The following LDB2 variants were observed in gnomAD, a reference collection of about 807,000 sequenced individuals.
LDB2 encodes LIM domain-binding protein 2.
In LDB2, 12 loss-of-function variants were observed where a neutral mutation model predicts 44.3. The observed-to-expected ratio is 0.27, with a 90% CI of 0.17 to 0.44. The LOEUF is 0.44. Ranked by LOEUF, LDB2 falls within the 20% of genes least tolerant of loss-of-function variation. LDB2 has a pLI of 1.00. For missense variants in LDB2, 344 were observed against 473.5 expected (o/e 0.73, Z 2.54); for synonymous variants, 164 against 174.8 (o/e 0.94, Z 0.49).
chr4:16,881,084 A>T (rs948281448), intron 1 of LDB2, among the ~76,000 whole-genome samples: 1 of 152,296 alleles, frequency 6.6e-6, no homozygotes, highest in South Asian at 2.1e-4. Context: ...CGAAGTCATC[A>T]GCCAATGAGA....
At chr4:16,821,575 G>C (rs780710201) in intron 1 of LDB2, among the ~76,000 whole-genome samples, 5 of 148,784 alleles carry the variant, frequency 3.4e-5, no homozygotes, top group Non-Finnish European at 7.4e-5. Flanking sequence ...ATTTTTAGTA[G>C]AGACGAGGAT....
intron 2 of LDB2, among the ~76,000 whole-genome samples, chr4:16,676,963 T>C (rs1746502634): frequency 6.6e-6 from 1 of 152,150 alleles, no homozygotes. Context: ...TGCTTTTTGG[T>C]ATTTGAGTCA....
At chr4:16,514,017 A>G (rs1722755314) in intron 5 of LDB2, among the ~76,000 whole-genome samples, 1 of 152,226 alleles carries the variant, frequency 6.6e-6, no homozygotes, top group Non-Finnish European at 1.5e-5. Context: ...TCCCATATCC[A>G]GGAGGAAGGA....
intron 1 of LDB2, among the ~76,000 whole-genome samples, chr4:16,802,716 T>A (rs1223526974): frequency 3.3e-5 from 5 of 152,010 alleles, no homozygotes; most frequent in African/African-American, 1.2e-4. Context: ...AATTCCCACG[T>A]GTTGTGGGAG....
At chr4:16,630,986 A>G (rs13129304) in intron 2 of LDB2, among the ~76,000 whole-genome samples, 58,600 of 151,934 alleles carry the variant, frequency 0.39, 11,538 homozygotes, top group East Asian at 0.57. Context: ...CACAATAATA[A>G]TGGGAGACTT....
chr4:16,870,431 C>T (rs1368160183), intron 1 of LDB2, among the ~76,000 whole-genome samples: 2 of 137,796 alleles, frequency 1.5e-5, no homozygotes, highest in East Asian at 5.0e-4. Context: ...TAATTAGGGG[C>T]TCTGCAATCC....
chr4:16,546,274 C>G (rs1007854022), intron 5 of LDB2, among the ~76,000 whole-genome samples: 1 of 152,176 alleles, frequency 6.6e-6, no homozygotes, highest in African/African-American at 2.4e-5. Context: ...ATTTAAGAAG[C>G]ACAGGTATCT....
intron 1 of LDB2, among the ~76,000 whole-genome samples, chr4:16,840,325 C>G (rs1296674420): frequency 6.6e-6 from 1 of 152,168 alleles, no homozygotes; most frequent in African/African-American, 2.4e-5. Flanking sequence ...GCATGTGCTA[C>G]TATCACAACT....
At chr4:16,872,930 G>A (rs557176527) in intron 1 of LDB2, among the ~76,000 whole-genome samples, 56 of 152,272 alleles carry the variant, frequency 3.7e-4, no homozygotes, top group Admixed American at 1.2e-3. Flanking sequence ...TCATTGTCGG[G>A]GAGCCCACGT....
intron 1 of LDB2, among the ~76,000 whole-genome samples, chr4:16,847,801 AGAG>A (rs1787376935): frequency 1.3e-5 from 2 of 152,186 alleles, no homozygotes. Context: ...TATTTTTTGT[AGAG>A]ACGGGGTTTT....
intron 1 of LDB2, among the ~76,000 whole-genome samples, chr4:16,866,221 ACTAAG>A (rs1348754903): frequency 1.2e-4 from 18 of 152,240 alleles, no homozygotes; most frequent in Non-Finnish European, 2.1e-4. Flanking sequence ...TACACATGAT[ACTAAG>A]TTAATAAAGA....
chr4:16,626,058 T>C (rs552247733), intron 2 of LDB2, among the ~76,000 whole-genome samples: 2 of 152,324 alleles, frequency 1.3e-5, no homozygotes, highest in South Asian at 2.1e-4. Flanking sequence ...GCATATTTGA[T>C]TGAACCATGG....
intron 5 of LDB2, among the ~76,000 whole-genome samples, chr4:16,528,989 C>T (rs911573682): frequency 4.6e-5 from 7 of 152,116 alleles, no homozygotes; most frequent in African/African-American, 1.7e-4. Flanking sequence ...TTTCTTGGAA[C>T]AGTTGCCAGA....
intron 2 of LDB2, among the ~76,000 whole-genome samples, chr4:16,638,605 T>G (rs1734265108): frequency 6.6e-6 from 1 of 152,240 alleles, no homozygotes; most frequent in South Asian, 2.1e-4. Context: ...CTAATTAATT[T>G]GTATTGCTTC....
At chr4:16,693,975 A>G (rs2152609998) in intron 2 of LDB2, among the ~76,000 whole-genome samples, 1 of 152,328 alleles carries the variant, frequency 6.6e-6, no homozygotes, top group East Asian at 1.9e-4. Context: ...CAAACTTTCA[A>G]CAGTGTAGGT....
At chr4:16,739,707 T>TATATATATATATAC (rs1216677755) in intron 2 of LDB2, among the ~76,000 whole-genome samples, 6 of 100,958 alleles carry the variant, frequency 5.9e-5, no homozygotes, top group African/African-American at 2.3e-4. Flanking sequence ...CATATATGTG[T>TATATATATATATAC]ATATATGTAT....
In LDB2 at chr4:16,836,669, C is replaced by T. The variant is rs1030869875; in HGVS notation, c.132+61685G>A. ...TCCCTTTTACCTCTGCTATTTTTTC[C>T]TTCCAAATCATTCATGCCCACCATT... On this transcript the variant is annotated intron_variant, in intron 1 of 7. Transcript: ENST00000304523. 2.6e-5 allele frequency among the ~76,000 whole-genome samples: 4 copies of T among 152,114 alleles called. No homozygotes were observed. The South Asian group carries it at 8.3e-4, about 32-fold the overall frequency.
intron 1 of LDB2, among the ~76,000 whole-genome samples, chr4:16,857,583 C>T (rs1789604385): frequency 6.6e-6 from 1 of 152,214 alleles, no homozygotes; most frequent in Non-Finnish European, 1.5e-5. Context: ...CCGGACTGCC[C>T]TGGCTCACTC....
chr4:16,553,855 TG>T, intron 5 of LDB2, among the ~76,000 whole-genome samples: 1 of 152,120 alleles, frequency 6.6e-6, no homozygotes, highest in Admixed American at 6.6e-5. Context: ...CTGAGGCCTG[TG>T]GGATTAAGTG....
Sources: allele counts gnomAD v4.1 joint callset (sites outside exome capture counted in the v4.1 genomes callset), GRCh38; gene constraint gnomAD v4.1.1; transcripts MANE v1.5; gene names NCBI Gene and HGNC (gene_info 2026-07-23, HGNC 2026-07-21).